Variants in WDFY2 observed in about 807,000 individuals in gnomAD.
WDFY2 encodes the protein WD repeat and FYVE domain containing 2, also known as WD repeat and FYVE domain-containing protein 2.
Under a neutral mutation model 56.4 loss-of-function variants are expected in WDFY2, and 36 were observed. The ratio of observed to expected loss-of-function variants is 0.64; its 90% CI spans 0.49 to 0.84. The LOEUF (loss-of-function observed/expected upper bound fraction) is 0.84, where lower values mean the gene tolerates loss of function less well. Ranked by LOEUF, WDFY2 falls within the 40% of genes least tolerant of loss-of-function variation. The pLI is 0.00. For missense variants in WDFY2, 444 were observed against 512.2 expected, an observed-to-expected ratio of 0.87 and a Z score of 1.29; for synonymous variants, 176 against 183.7, an observed-to-expected ratio of 0.96 and a Z score of 0.34.
At chr13:51,730,052 A>G (rs1566195226) in intron 6 of WDFY2, among the ~76,000 whole-genome samples, 1 of 152,172 alleles carries the variant, frequency 6.6e-6, no homozygotes, top group African/African-American at 2.4e-5. Context: ...TGACTAGTCT[A>G]GGTGACTCAT....
chr13:51,607,113 T>C (rs1478659525), intron 1 of WDFY2, among the ~76,000 whole-genome samples: 1 of 152,264 alleles, frequency 6.6e-6, no homozygotes, highest in Non-Finnish European at 1.5e-5. Flanking sequence ...TAGATACTTA[T>C]ATACTGATAC....
intron 4 of WDFY2, among the ~76,000 whole-genome samples, chr13:51,718,104 T>A (rs1170425571): frequency 1.3e-5 from 2 of 152,238 alleles, no homozygotes. Context: ...CATTTGTCCA[T>A]CCATACTGTC....
At chr13:51,758,437 G>T in intron 11 of WDFY2, 137 bp downstream of exon 11, 1 of 495,588 alleles carries the variant, frequency 2.0e-6, no homozygotes, top group Non-Finnish European at 3.6e-6. Flanking sequence ...TGTAGTCCCA[G>T]CTACTCAGGA....
chr13:51,617,084 C>T (rs77773005), intron 1 of WDFY2, among the ~76,000 whole-genome samples: 7,759 of 152,242 alleles, frequency 0.051, 244 homozygotes, highest in Middle Eastern at 0.085. Context: ...ACCTCTCAAA[C>T]ATGTTTATTC....
intron 1 of WDFY2, among the ~76,000 whole-genome samples, chr13:51,630,848 G>A (rs867743823): frequency 2.7e-5 from 4 of 150,100 alleles, no homozygotes; most frequent in Admixed American, 6.6e-5. Context: ...GCGCTATCTC[G>A]GGTCACTGCA....
At chr13:51,728,785 A>G (rs941881014) in intron 6 of WDFY2, among the ~76,000 whole-genome samples, 1 of 152,202 alleles carries the variant, frequency 6.6e-6, no homozygotes, top group African/African-American at 2.4e-5. Flanking sequence ...CCCTATGGAT[A>G]GGACCCTGGT....
At chr13:51,655,651 G>T (rs1955496003) in intron 1 of WDFY2, among the ~76,000 whole-genome samples, 1 of 152,022 alleles carries the variant, frequency 6.6e-6, no homozygotes, top group Non-Finnish European at 1.5e-5. Flanking sequence ...TAGTTTTCTT[G>T]TGGTATCTTT....
chr13:51,641,165 C>T (rs1040393400), intron 1 of WDFY2, among the ~76,000 whole-genome samples: 6 of 151,968 alleles, frequency 3.9e-5, no homozygotes, highest in African/African-American at 1.2e-4. Flanking sequence ...CTCCGCCCTC[C>T]GAGTTCAAAT....
At chr13:51,756,939 G>A (rs536260347) in intron 10 of WDFY2, among the ~76,000 whole-genome samples, 1 of 152,328 alleles carries the variant, frequency 6.6e-6, no homozygotes, top group East Asian at 1.9e-4. Flanking sequence ...TGTCAGACCT[G>A]CCCAGTAACC....
At chr13:51,726,146 C>A (rs1952600041) in intron 5 of WDFY2, among the ~76,000 whole-genome samples, 1 of 152,246 alleles carries the variant, frequency 6.6e-6, no homozygotes, top group East Asian at 1.9e-4. Context: ...TGCACATGCA[C>A]ACACATACAT....
At chr13:51,614,612 A>G (rs1353115985) in intron 1 of WDFY2, among the ~76,000 whole-genome samples, 1 of 152,210 alleles carries the variant, frequency 6.6e-6, no homozygotes, top group Non-Finnish European at 1.5e-5. Flanking sequence ...GGAGAAGGGC[A>G]GATGGCAAAA....
intron 5 of WDFY2, among the ~76,000 whole-genome samples, chr13:51,724,248 T>G (rs1014181505): frequency 2.2e-4 from 32 of 146,360 alleles, no homozygotes; most frequent in African/African-American, 7.6e-4. Flanking sequence ...TTTTTTTTTT[T>G]TTTTTTGAGA....
chr13:51,722,674 C>G (rs922660894), intron 5 of WDFY2, among the ~76,000 whole-genome samples: 9 of 152,156 alleles, frequency 5.9e-5, no homozygotes, highest in African/African-American at 2.2e-4. Flanking sequence ...AGGTGACTTG[C>G]TCAAGGTCAC....
chr13:51,596,782 C>T (rs1312098930), intron 1 of WDFY2, among the ~76,000 whole-genome samples: 1 of 152,146 alleles, frequency 6.6e-6, no homozygotes, highest in Non-Finnish European at 1.5e-5. Flanking sequence ...CTGAGGGGGT[C>T]TTATCTCTGG....
intron 6 of WDFY2, among the ~76,000 whole-genome samples, chr13:51,735,761 C>T (rs1229571641): frequency 1.3e-5 from 2 of 152,130 alleles, no homozygotes; most frequent in Non-Finnish European, 2.9e-5. Context: ...TTTCAAATGA[C>T]CTCATTGTTA....
intron 1 of WDFY2, among the ~76,000 whole-genome samples, chr13:51,622,156 C>T (rs781500090): frequency 6.6e-6 from 1 of 152,162 alleles, no homozygotes; most frequent in Non-Finnish European, 1.5e-5. Flanking sequence ...CACATTTGTG[C>T]TGTGATTGCT....
rs752383545 is a variant in WDFY2 at position 51,764,100 on chromosome 13, A to G, written c.*4331A>G. 1 of 152,228 alleles carries G rather than the reference A, an allele frequency of 6.6e-6. No homozygotes were observed. Among genetic ancestry groups the G allele is most frequent in the Non-Finnish European group, 1.5e-5 (1 of 68,034 alleles). 9.4% of individuals were successfully genotyped at this position (152,228 alleles called of 1,614,324 possible). A position where few individuals can be genotyped will look rare whatever the true frequency, so the allele number is the denominator to read the frequency against. On this transcript the variant is annotated 3_prime_UTR_variant, in exon 12 of 12. Coordinates refer to ENST00000298125, the MANE Select transcript of WDFY2 (RefSeq NM_052950.4). ...GACAGATATTTATTAACTTGATTGG[A>G]AAACACAGAAATTAAGATCATGTTG...
intron 1 of WDFY2, among the ~76,000 whole-genome samples, chr13:51,646,525 T>C (rs904548971): frequency 6.6e-6 from 1 of 152,236 alleles, no homozygotes; most frequent in Non-Finnish European, 1.5e-5. Context: ...TCTCCCCCTG[T>C]GAGCTTCCTG....
intron 1 of WDFY2, among the ~76,000 whole-genome samples, chr13:51,646,673 G>T (rs910854473): frequency 3.3e-5 from 5 of 152,254 alleles, no homozygotes; most frequent in Non-Finnish European, 7.3e-5. Flanking sequence ...AAGTGCACTT[G>T]TGAGGCAGTG....
Sources: gnomAD v4.1 joint callset for allele counts (sites outside exome capture counted in the v4.1 genomes callset) on GRCh38, gnomAD v4.1.1 for gene constraint, MANE v1.5 for transcripts, NCBI Gene and HGNC (gene_info 2026-07-23, HGNC 2026-07-21) for gene names.